ZNF215: variants seen among roughly 807,000 people sequenced by gnomAD.
The protein encoded by ZNF215 is BWSCR2-associated zinc finger protein 2.
In ZNF215, 24 loss-of-function variants were observed where a neutral mutation model predicts 27.2. The ratio of observed to expected loss-of-function variants is 0.88; its 90% CI spans 0.64 to 1.24. The LOEUF (loss-of-function observed/expected upper bound fraction) is 1.24, where lower values mean the gene tolerates loss of function less well. ZNF215 is among the 50% of genes most tolerant of loss of function. ZNF215 has a pLI of 0.00. For missense variants in ZNF215, 675 were observed against 605.7 expected, an observed-to-expected ratio of 1.11 and a Z score of -1.20; for synonymous variants, 210 against 204.0, an observed-to-expected ratio of 1.03 and a Z score of -0.25.
chr11:6,981,293 A>T (rs1590088444), intron 5 of ZNF215, among the ~76,000 whole-genome samples: 1 of 143,558 alleles, frequency 7.0e-6, no homozygotes, highest in Admixed American at 7.0e-5. Context: ...CTTTTTAATG[A>T]TTGCCATTCT....
chr11:6,992,951 A>G (rs1277983445), downstream of ZNF215, among the ~76,000 whole-genome samples: 2 of 152,226 alleles, frequency 1.3e-5, no homozygotes, highest in Non-Finnish European at 1.5e-5. Flanking sequence ...TAATGCTTGC[A>G]AGGATAAACT....
In ZNF215 at chr11:6,928,207, T is replaced by C. The variant is rs1209534077; in HGVS notation, c.-180+400T>C. ...CCTAATAAATTGCTTTTGTAAACAT[T>C]CCCTTAGGTGCTTGAATAGAAACTA... On this transcript the variant is annotated intron_variant, in intron 2 of 6. Transcript: ENST00000278319. Among the ~76,000 whole-genome samples the C allele has an allele frequency of 2.0e-5, 3 of 152,212 alleles. No individual in the cohort carries two copies. The East Asian group carries it at 5.8e-4, about 29-fold the overall frequency.
chr11:6,973,086 C>T (rs1850752056), intron 5 of ZNF215, among the ~76,000 whole-genome samples: 1 of 152,060 alleles, frequency 6.6e-6, no homozygotes, highest in African/African-American at 2.4e-5. Context: ...GTGATGTCCC[C>T]CTTCCTGTCT....
intron 4 of ZNF215, 39 bp downstream of exon 4, chr11:6,941,692 C>T (rs767878261): frequency 6.3e-7 from 1 of 1,598,440 alleles, no homozygotes; most frequent in Middle Eastern, 1.7e-4. Flanking sequence ...CACATATGCT[C>T]ATTTTTAGTA....
chr11:6,975,629 T>C (rs1338465859), intron 5 of ZNF215, among the ~76,000 whole-genome samples: 1 of 152,096 alleles, frequency 6.6e-6, no homozygotes, highest in Admixed American at 6.6e-5. Flanking sequence ...GATGTTCGTC[T>C]TTCTGTCTTA....
At chr11:6,958,128 A>G, downstream of ZNF215, 5 of 942,692 alleles carry the variant, frequency 5.3e-6, no homozygotes, top group Non-Finnish European at 6.3e-6. Context: ...AAATTCGTAT[A>G]AACAAGAGAT....
intron 6 of ZNF215, among the ~76,000 whole-genome samples, chr11:6,949,800 C>T (rs1849978991): frequency 6.6e-6 from 1 of 152,146 alleles, no homozygotes; most frequent in African/African-American, 2.4e-5. Context: ...GACATGAAGT[C>T]CTTGCCCACG....
chr11:6,948,512 T>G lies in ZNF215; in HGVS notation c.712+4871T>G, dbSNP rs967443407. On this transcript the variant is annotated intron_variant, in intron 6 of 6. Coordinates refer to ENST00000278319, the MANE Select transcript of ZNF215 (RefSeq NM_013250.4). ...GTATAAATATTAGAAAAGCAAAGAC[T>G]CAAAAATGAAGACACTGAAGTTTTT... Among the ~76,000 whole-genome samples the G allele has an allele frequency of 2.0e-4, 31 of 152,114 alleles. 1 individual carries two copies. Among genetic ancestry groups the G allele is most frequent in the African/African-American group, 4.8e-5 (2 of 41,432 alleles).
Position 6,932,986 on chromosome 11 carries a change from G to A in ZNF215, c.400+314G>A, listed in dbSNP as rs1347703715. The stretch of plus-strand genomic sequence containing the variant: ...TAAAGTATTATTGGAACATAGCTAT[G>A]TCCATTTTCATTTTGTCTATGATTG... On this transcript the variant is annotated intron_variant, in intron 3 of 6. Transcript: ENST00000278319. Among the ~76,000 whole-genome samples, 7 of 152,216 alleles carry A rather than the reference G, an allele frequency of 4.6e-5. No homozygotes were observed. The South Asian group carries it at 1.0e-3, about 22-fold the overall frequency.
downstream of ZNF215, among the ~76,000 whole-genome samples, chr11:6,963,013 C>T (rs1657057458): frequency 6.6e-6 from 1 of 151,998 alleles, no homozygotes; most frequent in African/African-American, 2.4e-5. Context: ...TATTCAGAAA[C>T]TATCAATTCT....
At chr11:6,937,187 C>A (rs1849465562) in intron 3 of ZNF215, among the ~76,000 whole-genome samples, 1 of 151,878 alleles carries the variant, frequency 6.6e-6, no homozygotes, top group Admixed American at 6.6e-5. Flanking sequence ...TCCTAAAGAA[C>A]CCAGTAAAAA....
downstream of ZNF215, among the ~76,000 whole-genome samples, chr11:6,991,916 C>T (rs1190171960): frequency 2.6e-5 from 4 of 152,188 alleles, no homozygotes; most frequent in Non-Finnish European, 5.9e-5. Context: ...GGCATCTCCC[C>T]GTGAACCGCC....
At position 6,938,211 on chromosome 11, in the gene ZNF215, T is replaced by C. The variant is rs147873594; in HGVS notation, c.401-3360T>C. Among the ~76,000 whole-genome samples, 1,221 of 152,104 alleles carry C rather than the reference T, an allele frequency of 8.0e-3. 20 individuals are homozygous for C. The highest frequency in any genetic ancestry group is 0.028 in the African/African-American group (1,172 of 41,548). ...AATAGATATTTCTCCAAAGAAGATA[T>C]ACAAATGGCCAAAAAGTATAGGAAT... On this transcript the variant is annotated intron_variant, in intron 3 of 6. Transcript: ENST00000278319.
chr11:6,960,147 T>A (rs984285420), downstream of ZNF215, among the ~76,000 whole-genome samples: 1 of 152,036 alleles, frequency 6.6e-6, no homozygotes, highest in Non-Finnish European at 1.5e-5. Flanking sequence ...ATAGACAACA[T>A]ATAAAAGGAA....
intron 6 of ZNF215, among the ~76,000 whole-genome samples, chr11:6,950,769 G>C (rs1250968898): frequency 6.7e-6 from 1 of 148,550 alleles, no homozygotes; most frequent in Admixed American, 6.7e-5. Context: ...CCAACACTAT[G>C]TTGAATAGGA....
intron 3 of ZNF215, among the ~76,000 whole-genome samples, chr11:6,937,836 A>G (rs1849492168): frequency 6.6e-6 from 1 of 151,972 alleles, no homozygotes; most frequent in South Asian, 2.1e-4. Flanking sequence ...CATATCATGT[A>G]CAAAAATTAA....
chr11:6,979,246 AG>A (rs1399739420), intron 5 of ZNF215, among the ~76,000 whole-genome samples: 1 of 151,990 alleles, frequency 6.6e-6, no homozygotes, highest in East Asian at 1.9e-4. Flanking sequence ...CAAGAATATC[AG>A]GGACAATGTT....
At chr11:6,934,038 C>CT (rs1251216828) in intron 3 of ZNF215, among the ~76,000 whole-genome samples, 1 of 152,028 alleles carries the variant, frequency 6.6e-6, no homozygotes, top group East Asian at 1.9e-4. Flanking sequence ...AGGCCATGAA[C>CT]TGGATATCTG....
At chr11:6,966,114 C>T (rs1201844683) in intron 5 of ZNF215, among the ~76,000 whole-genome samples, 1 of 152,038 alleles carries the variant, frequency 6.6e-6, no homozygotes, top group Non-Finnish European at 1.5e-5. Context: ...CAGGTTGTTT[C>T]TTCTTGAGTG....
Sources: allele counts gnomAD v4.1 joint callset (sites outside exome capture counted in the v4.1 genomes callset), GRCh38; gene constraint gnomAD v4.1.1; transcripts MANE v1.5; gene names NCBI Gene and HGNC (gene_info 2026-07-23, HGNC 2026-07-21).